MAST4: variants seen among roughly 807,000 people sequenced by gnomAD.
MAST4 encodes the protein microtubule associated serine/threonine kinase family member 4.
Under a neutral mutation model 162.7 loss-of-function variants are expected in MAST4, and 89 were observed. The observed-to-expected ratio is 0.55, with a 90% CI of 0.46 to 0.65. The LOEUF (loss-of-function observed/expected upper bound fraction) is 0.65, where lower values mean the gene tolerates loss of function less well. Ranked by LOEUF, MAST4 falls within the 30% of genes least tolerant of loss-of-function variation. MAST4 has a pLI of 0.00. For synonymous variants in MAST4, 1,479 were observed against 1,361.1 expected, an observed-to-expected ratio of 1.09 and a Z score of -1.91; for missense variants, 3,153 against 3,374.0, an observed-to-expected ratio of 0.93 and a Z score of 1.62.
intron 1 of MAST4, among the ~76,000 whole-genome samples, chr5:66,713,536 A>G (rs1750627398): frequency 6.6e-6 from 1 of 152,250 alleles, no homozygotes; most frequent in South Asian, 2.1e-4. Flanking sequence ...CATTACTCAA[A>G]TAATATTTTA....
At chr5:66,802,617 C>T (rs1208190791) in intron 3 of MAST4, among the ~76,000 whole-genome samples, 1 of 152,074 alleles carries the variant, frequency 6.6e-6, no homozygotes, top group Non-Finnish European at 1.5e-5. Flanking sequence ...AGTTTAGAGT[C>T]TATTTTTTTC....
intron 4 of MAST4, among the ~76,000 whole-genome samples, chr5:67,032,838 T>C (rs1231836912): frequency 2.0e-5 from 3 of 152,154 alleles, no homozygotes; most frequent in Non-Finnish European, 4.4e-5. Context: ...AACACACTTA[T>C]AGTAACTACA....
At chr5:66,994,357 C>T (rs1750391865) in intron 4 of MAST4, among the ~76,000 whole-genome samples, 1 of 152,130 alleles carries the variant, frequency 6.6e-6, no homozygotes, top group Non-Finnish European at 1.5e-5. Context: ...TCTATTGCTG[C>T]TGTTTACATG....
chr5:67,164,282 C>A lies in MAST4; in HGVS notation c.5103C>A (p.Asn1701Lys), dbSNP rs775364696. The A allele has an allele frequency of 1.9e-6, 3 of 1,614,030 alleles. No homozygotes were observed. Among genetic ancestry groups the A allele is most frequent in the Non-Finnish European group, 2.5e-6 (3 of 1,179,884 alleles). ...TGTCACTTGAGGACAAAGAGGACAA[C>A]CTCTGCCCTGTGCTGAAGCCCAAGA... ...KKMSLEDKEDNLCPVLKPKMT... is the reference protein window; with the variant it reads ...KKMSLEDKEDKLCPVLKPKMT... The change falls in exon 29 of 29, where the codon AAC (asparagine) becomes AAA (lysine). Residue 1701 changes from asparagine to lysine, a missense_variant. Coordinates refer to ENST00000403625, the MANE Select transcript of MAST4 (RefSeq NM_001164664.2). This position sits in a 1 kb window ranked among gnomAD's most constrained non-coding sequence, Gnocchi z 5.3.
At chr5:66,994,921 A>G (rs1750462293) in intron 4 of MAST4, among the ~76,000 whole-genome samples, 1 of 152,224 alleles carries the variant, frequency 6.6e-6, no homozygotes, top group East Asian at 1.9e-4. Flanking sequence ...ATTGTACAAC[A>G]TGACAGAGGG....
intron 3 of MAST4, among the ~76,000 whole-genome samples, chr5:66,871,143 AT>A (rs1449747575): frequency 2.6e-5 from 4 of 152,088 alleles, no homozygotes; most frequent in Non-Finnish European, 5.9e-5. Flanking sequence ...CCAGTGTGAC[AT>A]CCCCGAACTC....
chr5:66,895,724 A>C lies in MAST4; in HGVS notation c.643-4227A>C, dbSNP rs566083324. On this transcript the variant is annotated intron_variant, in intron 3 of 28. Transcript: ENST00000403625. The stretch of plus-strand genomic sequence containing the variant: ...ATAGCTTCCTAAAAAATTGATATTA[A>C]ATATTACCTTAAAGTAAGCTTAGAA... 2.6e-5 allele frequency among the ~76,000 whole-genome samples: 4 copies of C among 152,202 alleles called. No homozygotes were observed. In the East Asian group the frequency reaches 7.7e-4, roughly 29 times the overall value.
chr5:66,987,820 A>G (rs962139401), intron 4 of MAST4, among the ~76,000 whole-genome samples: 1 of 152,182 alleles, frequency 6.6e-6, no homozygotes, highest in Non-Finnish European at 1.5e-5. Flanking sequence ...ACTTAGGGAA[A>G]CAAAAAGCTA....
intron 1 of MAST4, among the ~76,000 whole-genome samples, chr5:66,629,618 C>T (rs968053112): frequency 3.3e-5 from 5 of 152,154 alleles, no homozygotes; most frequent in Non-Finnish European, 7.3e-5. Context: ...TCTCCCATTC[C>T]GTTGGTATAA....
chr5:66,669,609 T>G (rs1459391159), intron 1 of MAST4, among the ~76,000 whole-genome samples: 1 of 152,138 alleles, frequency 6.6e-6, no homozygotes, highest in Non-Finnish European at 1.5e-5. Context: ...GGCTTTGGGC[T>G]GGGAAGTTGG....
Position 67,164,338 on chromosome 5 carries a change from G to C in MAST4, c.5159G>C (p.Gly1720Ala). 7 of 1,613,954 alleles carry C rather than the reference G, an allele frequency of 4.3e-6. No individual in the cohort carries two copies. Among genetic ancestry groups the C allele is most frequent in the African/African-American group, 1.3e-5 (1 of 75,076 alleles). ...MTAGSHECLP[G>A]NPVRPTGGQQ... The stretch of plus-strand genomic sequence containing the variant: ...GCTGGCTCCCACGAATGCCTGCCAG[G>C]GAACCCAGTCCGACCCACGGGTGGG... Residue 1720 changes from glycine to alanine, a missense_variant, in exon 29 of 29, where the codon GGG becomes GCG. Transcript: ENST00000403625. The surrounding 1 kb of genome is among the most constrained non-coding windows in gnomAD (Gnocchi z 5.3).
intron 4 of MAST4, among the ~76,000 whole-genome samples, chr5:66,962,415 A>C (rs1375925354): frequency 6.6e-6 from 1 of 152,230 alleles, no homozygotes; most frequent in Non-Finnish European, 1.5e-5. Context: ...ACCATCTGTA[A>C]AAAAGTAAAA....
intron 6 of MAST4, chr5:67,094,072 C>A: frequency 2.6e-6 from 2 of 773,252 alleles, no homozygotes; most frequent in East Asian, 2.8e-5. Flanking sequence ...ATCTCAATTT[C>A]TTTTATCTGG....
intron 19 of MAST4, 135 bp downstream of exon 19, chr5:67,136,799 CATT>C: frequency 4.8e-6 from 3 of 624,676 alleles, no homozygotes; most frequent in South Asian, 1.9e-5. Context: ...GACTGCAACA[CATT>C]ATAGCAATAA....
intron 1 of MAST4, among the ~76,000 whole-genome samples, chr5:66,734,462 G>T (rs570750219): frequency 3.6e-4 from 55 of 152,250 alleles, no homozygotes; most frequent in African/African-American, 1.3e-3. Context: ...AATCTTAACT[G>T]TTTTCTACCT....
At chr5:66,813,768 C>G (rs1191430199) in intron 3 of MAST4, among the ~76,000 whole-genome samples, 1 of 152,194 alleles carries the variant, frequency 6.6e-6, no homozygotes, top group Non-Finnish European at 1.5e-5. Context: ...ATTTTTATTT[C>G]TGACAGCTTG....
intron 4 of MAST4, among the ~76,000 whole-genome samples, chr5:66,941,583 A>G (rs1187194585): frequency 6.6e-6 from 1 of 152,176 alleles, no homozygotes; most frequent in Non-Finnish European, 1.5e-5. Context: ...AACTTTCTTC[A>G]TATCAGCAAG....
rs3188121 is a variant in MAST4 at position 67,166,497 on chromosome 5, T to C, written c.7318T>C (p.Ser2440Pro). Residue 2440 changes from serine to proline, a missense_variant, in exon 29 of 29, where the codon TCC (serine) becomes CCC (proline). Coordinates refer to ENST00000403625, the MANE Select transcript of MAST4 (RefSeq NM_001164664.2). ...EADKPNGMKR[S>P]PSATGQSSFR... Reference sequence around the variant, plus strand: ...AGACAAGCCCAATGGCATGAAACGGTCCCCCTCAGCCACTGGGCAGAGTTC... The same window carrying C: ...AGACAAGCCCAATGGCATGAAACGGCCCCCCTCAGCCACTGGGCAGAGTTC... The C allele has an allele frequency of 6.1e-5, 98 of 1,604,416 alleles. No individual in the cohort carries two copies. Among genetic ancestry groups the C allele is most frequent in the Non-Finnish European group, 8.3e-5 (98 of 1,175,676 alleles).
intron 14 of MAST4, among the ~76,000 whole-genome samples, chr5:67,127,010 GA>G (rs1256517787): frequency 6.6e-6 from 1 of 152,142 alleles, no homozygotes; most frequent in African/African-American, 2.4e-5. Flanking sequence ...TAGCAGTTGT[GA>G]ATGGGAGTTC....
Sources: allele counts gnomAD v4.1 joint callset (sites outside exome capture counted in the v4.1 genomes callset), GRCh38; gene constraint gnomAD v4.1.1; non-coding constraint Gnocchi (gnomAD v3.1); transcripts MANE v1.5; gene names NCBI Gene and HGNC (gene_info 2026-07-23, HGNC 2026-07-21).